The following CTNNA3 variants were observed in gnomAD, a reference collection of about 807,000 sequenced individuals.
CTNNA3 encodes the protein catenin alpha 3.
CTNNA3 carries 76 observed loss-of-function variants against 95.7 expected under a neutral mutation model. The observed-to-expected ratio is 0.79, with a 90% CI of 0.66 to 0.96. CTNNA3 has a LOEUF of 0.96. CTNNA3 is among the 40% of genes least tolerant of loss of function. The pLI, the probability that CTNNA3 is intolerant of heterozygous loss-of-function variation, is 0.00. For synonymous variants in CTNNA3, 431 were observed against 374.4 expected, an observed-to-expected ratio of 1.15 and a Z score of -1.74; for missense variants, 1,191 against 1,089.8, an observed-to-expected ratio of 1.09 and a Z score of -1.31.
chr10:67,163,324 A>G (rs1296931967), intron 7 of CTNNA3, among the ~76,000 whole-genome samples: 1 of 152,064 alleles, frequency 6.6e-6, no homozygotes, highest in Non-Finnish European at 1.5e-5. Context: ...TTTGAAAATC[A>G]ATGTAATCTA....
At chr10:66,631,025 A>T (rs142408316) in intron 9 of CTNNA3, among the ~76,000 whole-genome samples, 1 of 152,334 alleles carries the variant, frequency 6.6e-6, no homozygotes, top group African/African-American at 2.4e-5. Flanking sequence ...CTACAAGAAG[A>T]TAGAGGTAGG....
At chr10:66,182,247 G>A (rs918766858) in intron 13 of CTNNA3, among the ~76,000 whole-genome samples, 1 of 150,250 alleles carries the variant, frequency 6.7e-6, no homozygotes, top group African/African-American at 2.4e-5. Flanking sequence ...TTTGCTTGTG[G>A]ATACATTTCT....
Position 66,048,535 on chromosome 10 carries a change from C to T in CTNNA3, c.2159+20773G>A, listed in dbSNP as rs573213708. On this transcript the variant is annotated intron_variant, in intron 15 of 17. Coordinates refer to ENST00000433211, the MANE Select transcript of CTNNA3 (RefSeq NM_013266.4). ...CAGCACTTTGGGAGGCTGAGACGGGCGGATCACGAGGTCAGGAGATCAAGA... is the reference window on the plus strand; with the variant it reads ...CAGCACTTTGGGAGGCTGAGACGGGTGGATCACGAGGTCAGGAGATCAAGA... Among the ~76,000 whole-genome samples the T allele has an allele frequency of 6.6e-5, 10 of 152,156 alleles. No individual in the cohort carries two copies. The East Asian group carries it at 7.8e-4, about 12-fold the overall frequency.
chr10:66,293,960 C>T (rs1373059323), intron 12 of CTNNA3, among the ~76,000 whole-genome samples: 1 of 152,002 alleles, frequency 6.6e-6, no homozygotes. Context: ...CCACCGTGCC[C>T]GGTCATCAGC....
At chr10:67,017,296 C>G (rs1589608963) in intron 7 of CTNNA3, among the ~76,000 whole-genome samples, 1 of 152,078 alleles carries the variant, frequency 6.6e-6, no homozygotes, top group South Asian at 2.1e-4. Flanking sequence ...GGTTAGTTCC[C>G]AAGAACACAG....
At chr10:67,207,421 A>G (rs1452630663) in intron 6 of CTNNA3, among the ~76,000 whole-genome samples, 1 of 152,148 alleles carries the variant, frequency 6.6e-6, no homozygotes, top group Admixed American at 6.5e-5. Flanking sequence ...TTTCAGATAG[A>G]ACTTTATAAA....
intron 1 of CTNNA3, among the ~76,000 whole-genome samples, chr10:67,689,538 C>T (rs1042339811): frequency 4.6e-5 from 7 of 152,086 alleles, no homozygotes; most frequent in African/African-American, 1.7e-4. Context: ...GTCTGACAGG[C>T]ATTAGGACCC....
rs1269189872 is a variant in CTNNA3, at chr10:66,797,211, C to T, written c.1048-21687G>A. ...CTCAGTCCCAACTAAAGGTCTACTACAGAGAGTACATATTTCTTAAATCTG... is the reference window on the plus strand; with the variant it reads ...CTCAGTCCCAACTAAAGGTCTACTATAGAGAGTACATATTTCTTAAATCTG... On this transcript the variant is annotated intron_variant, in intron 7 of 17. Transcript: ENST00000433211. 2.0e-5 allele frequency among the ~76,000 whole-genome samples: 3 copies of T among 151,868 alleles called. No individual in the cohort carries two copies. In the East Asian group the frequency reaches 5.8e-4, roughly 29 times the overall value.
intron 11 of CTNNA3, among the ~76,000 whole-genome samples, chr10:66,404,529 G>T (rs1435696476): frequency 6.6e-6 from 1 of 152,146 alleles, no homozygotes; most frequent in Admixed American, 6.6e-5. Context: ...TTAATGTCCT[G>T]ACTGTCTTGA....
intron 13 of CTNNA3, among the ~76,000 whole-genome samples, chr10:66,250,030 G>A (rs2090487732): frequency 6.6e-6 from 1 of 152,148 alleles, no homozygotes; most frequent in Non-Finnish European, 1.5e-5. Context: ...TAAAGAAAAT[G>A]TAGTACATAT....
intron 3 of CTNNA3, among the ~76,000 whole-genome samples, chr10:67,574,284 T>A (rs1235824100): frequency 6.6e-6 from 1 of 152,168 alleles, no homozygotes; most frequent in Non-Finnish European, 1.5e-5. Context: ...GATTGATTTA[T>A]TTAAGGAATT....
intron 5 of CTNNA3, among the ~76,000 whole-genome samples, chr10:67,272,378 C>G (rs754793725): frequency 6.6e-6 from 1 of 151,966 alleles, no homozygotes; most frequent in Non-Finnish European, 1.5e-5. Flanking sequence ...ATCGAGAAAC[C>G]TTGTCTCTAC....
At chr10:67,001,281 C>G (rs1021080334) in intron 7 of CTNNA3, among the ~76,000 whole-genome samples, 1 of 134,806 alleles carries the variant, frequency 7.4e-6, no homozygotes, top group Non-Finnish European at 1.5e-5. Flanking sequence ...AGCCTGACGA[C>G]AGAGTGAGAC....
At chr10:67,028,106 A>C (rs542277893) in intron 7 of CTNNA3, among the ~76,000 whole-genome samples, 7 of 152,268 alleles carry the variant, frequency 4.6e-5, no homozygotes, top group Admixed American at 3.9e-4. Flanking sequence ...TGATCCTGAG[A>C]CATTTTGCTT....
intron 17 of CTNNA3, among the ~76,000 whole-genome samples, chr10:65,938,371 C>T (rs115884630): frequency 7.6e-4 from 115 of 152,160 alleles, no homozygotes; most frequent in African/African-American, 2.7e-3. Context: ...CTCTCCTTAG[C>T]AGAATTTAAA....
chr10:67,680,715 G>A (rs1840610520), intron 1 of CTNNA3, among the ~76,000 whole-genome samples: 1 of 152,078 alleles, frequency 6.6e-6, no homozygotes, highest in Non-Finnish European at 1.5e-5. Context: ...AAATAAATAT[G>A]CATATATAAC....
At chr10:66,196,557 T>C (rs887205072) in intron 13 of CTNNA3, among the ~76,000 whole-genome samples, 4 of 152,228 alleles carry the variant, frequency 2.6e-5, no homozygotes, top group Non-Finnish European at 4.4e-5. Flanking sequence ...CCTCCCTTAC[T>C]GATTCACATT....
intron 7 of CTNNA3, among the ~76,000 whole-genome samples, chr10:67,109,612 A>T (rs1393669039): frequency 6.6e-6 from 1 of 152,184 alleles, no homozygotes; most frequent in Non-Finnish European, 1.5e-5. Context: ...TGGGAGGCCG[A>T]GGTGTGTGGA....
At chr10:67,177,534 T>C (rs950448558) in intron 7 of CTNNA3, among the ~76,000 whole-genome samples, 3 of 152,190 alleles carry the variant, frequency 2.0e-5, no homozygotes, top group Non-Finnish European at 2.9e-5. Flanking sequence ...CAAAAGCTAC[T>C]GACTGATCTG....
Sources: gnomAD v4.1 joint callset for allele counts (sites outside exome capture counted in the v4.1 genomes callset) on GRCh38, gnomAD v4.1.1 for gene constraint, MANE v1.5 for transcripts, NCBI Gene and HGNC (gene_info 2026-07-23, HGNC 2026-07-21) for gene names.